Variants in CCDC82 observed in about 807,000 individuals in gnomAD.
CCDC82 encodes coiled-coil domain-containing protein 82.
CCDC82 carries 47 observed loss-of-function variants against 60.6 expected under a neutral mutation model. That is an observed-to-expected ratio of 0.77 (90% CI 0.61 to 0.99). The LOEUF is 0.99. Ranked by LOEUF, CCDC82 falls within the 50% of genes least tolerant of loss-of-function variation. The pLI is 0.00. For missense variants in CCDC82, 588 were observed against 633.0 expected, an observed-to-expected ratio of 0.93 and a Z score of 0.76; for synonymous variants, 212 against 207.4, an observed-to-expected ratio of 1.02 and a Z score of -0.19.
In CCDC82 at chr11:96,370,895, C is replaced by A; in HGVS notation, c.1209+118G>T. 4 of 815,902 alleles carry A rather than the reference C, an allele frequency of 4.9e-6. No individual in the cohort carries two copies. The South Asian group carries it at 1.0e-4, about 21-fold the overall frequency. The allele number at this position is 815,902 out of a possible 1,614,324, so 50.5% of individuals were successfully genotyped here. On this transcript the variant is annotated intron_variant, in intron 7 of 9. Transcript: ENST00000646818. ...TTTAGAAGATGTGAGAAATAATAAG[C>A]TGATTATTTAACAAAGACATGCCAA... is the stretch of plus-strand genomic sequence containing the variant.
At chr11:96,379,457 T>C (rs1308894081) in intron 5 of CCDC82, among the ~76,000 whole-genome samples, 3 of 151,534 alleles carry the variant, frequency 2.0e-5, no homozygotes, top group Middle Eastern at 3.2e-3. Context: ...TAATCATCTA[T>C]AGGAACTTAA....
At chr11:96,389,083 A>G (rs962745052) in intron 1 of CCDC82, 12 of 152,220 alleles carry the variant, frequency 7.9e-5, no homozygotes, top group African/African-American at 2.4e-4. Context: ...TAAATTTATC[A>G]TAGTTCTTCT....
intron 3 of CCDC82, 118 bp downstream of exon 3, chr11:96,386,136 C>A (rs529259458): frequency 6.6e-6 from 1 of 152,212 alleles, no homozygotes; most frequent in South Asian, 2.1e-4. Context: ...GAAATGAAAT[C>A]CAACTTAAGA....
chr11:96,382,107 T>G (rs1451824182), intron 5 of CCDC82: 1 of 151,840 alleles, frequency 6.6e-6, no homozygotes, highest in African/African-American at 2.4e-5. Flanking sequence ...GCACTCATAC[T>G]GCATACCAAA....
intron 7 of CCDC82, 145 bp from the exon 8 acceptor site, chr11:96,365,295 G>T: frequency 2.2e-6 from 1 of 464,402 alleles, no homozygotes; most frequent in Admixed American, 3.9e-5. Context: ...TTAATACTGA[G>T]CACATAGTAG....
chr11:96,383,889 CT>C, intron 4 of CCDC82, 72 bp downstream of exon 4: 3 of 1,393,354 alleles, frequency 2.2e-6, no homozygotes, highest in South Asian at 1.4e-5. Flanking sequence ...GGACTCAGCA[CT>C]TTTTTATAAA....
intron 6 of CCDC82, among the ~76,000 whole-genome samples, chr11:96,371,686 C>A (rs1483822962): frequency 2.0e-5 from 3 of 152,252 alleles, no homozygotes; most frequent in Non-Finnish European, 4.4e-5. Context: ...TTATACAAAA[C>A]TGACATGAAT....
At chr11:96,380,304 G>T (rs979131700) in intron 5 of CCDC82, among the ~76,000 whole-genome samples, 21 of 151,696 alleles carry the variant, frequency 1.4e-4, no homozygotes, top group Non-Finnish European at 2.7e-4. Context: ...TGAGGAAAAA[G>T]AGTTTGTAGG....
rs1219574801 is a variant in CCDC82 at position 96,353,397 on chromosome 11, T to C, written c.*249A>G. ...TTGACAGTCATCTGTTATAAAGCCA[T>C]TATTATATAACTTTAAAATATATTT... On this transcript the variant is annotated 3_prime_UTR_variant, in exon 10 of 10. Transcript: ENST00000646818. 1 of 372,844 alleles carries C rather than the reference T, an allele frequency of 2.7e-6. No individual in the cohort carries two copies. The highest frequency in any genetic ancestry group is 5.4e-5 in the East Asian group (1 of 18,608). 23.1% of individuals were successfully genotyped at this position (372,844 alleles called of 1,614,324 possible).
chr11:96,371,198 T>C (rs763171288), intron 6 of CCDC82, 61 bp from the exon 7 acceptor site: 7 of 1,160,522 alleles, frequency 6.0e-6, no homozygotes, highest in Non-Finnish European at 8.0e-6. Context: ...TTAAACTATT[T>C]AATACTTAAA....
intron 9 of CCDC82, chr11:96,358,152 G>A: frequency 1.0e-6 from 1 of 987,310 alleles, no homozygotes; most frequent in South Asian, 4.7e-5. Context: ...TATAGTCCAG[G>A]CAATGGATCT....
chr11:96,356,641 T>A, intron 9 of CCDC82: 2 of 953,302 alleles, frequency 2.1e-6, no homozygotes, highest in South Asian at 9.7e-5. Flanking sequence ...AAGACATGCA[T>A]TATTATGTTT....
At chr11:96,384,802 G>T in intron 3 of CCDC82, 41 bp from the exon 4 acceptor site, 1 of 1,276,314 alleles carries the variant, frequency 7.8e-7, no homozygotes, top group Non-Finnish European at 1.1e-6. Context: ...GTGATAACCA[G>T]ATTAGAGCAA....
intron 5 of CCDC82, among the ~76,000 whole-genome samples, chr11:96,379,286 T>C (rs982616885): frequency 2.6e-5 from 4 of 151,888 alleles, no homozygotes; most frequent in Admixed American, 1.3e-4. Flanking sequence ...TATTTAGATA[T>C]GGTATAAAAT....
Position 96,364,985 on chromosome 11 carries a change from T to C in CCDC82, c.1375A>G (p.Lys459Glu), listed in dbSNP as rs756043230. Reference sequence around the variant, plus strand: ...GATTAGAGGGAAGAAAATACCTGTTTATCATGTGACATGAAATTATCTATT... The same window carrying C: ...GATTAGAGGGAAGAAAATACCTGTTCATCATGTGACATGAAATTATCTATT... ...MQIDNFMSHD[K>E]QVFTVGRICA... Residue 459 changes from lysine (K) to glutamate (E), a missense_variant, in exon 8 of 10, where the codon AAA becomes GAA. Transcript: ENST00000646818. The C allele has an allele frequency of 1.3e-5, 20 of 1,597,838 alleles. No individual in the cohort carries two copies. The South Asian group carries it at 2.3e-4, about 19-fold the overall frequency.
At position 96,353,710 on chromosome 11, in the gene CCDC82, T is replaced by C; in HGVS notation, c.1571A>G (p.Tyr524Cys). ...SKENGWIKEK[Y>C]GQLEEYLNFA... ...ATTGAGATATTCTTCAAGTTGACCA[T>C]ATTTCTGCATATACAATAGAAAAGC... Residue 524 changes from tyrosine (Y) to cysteine (C), a missense_variant, in exon 10 of 10, where the codon TAT (tyrosine) becomes TGT (cysteine). Physicochemically the swap from Tyr to Cys is radical, Grantham distance 194. Transcript: ENST00000646818. 6.2e-7 allele frequency: 1 copy of C among 1,606,866 alleles called. No individual in the cohort carries two copies. Among genetic ancestry groups the C allele is most frequent in the Non-Finnish European group, 8.5e-7 (1 of 1,176,016 alleles).
chr11:96,383,372 A>G lies in CCDC82; in HGVS notation c.888T>C (p.Asp296=). The change falls in exon 5 of 10, where the codon GAT becomes GAC. Residue 296 remains aspartate, a synonymous_variant. Transcript: ENST00000646818. ...SDEDGDDYII[D]DFVVQDEEGD... ...CCTCCTCATCTTGCACTACAAAGTCATCGATAATATAATCATCTCCATCTT... is the reference window on the plus strand; with the variant it reads ...CCTCCTCATCTTGCACTACAAAGTCGTCGATAATATAATCATCTCCATCTT... The G allele has an allele frequency of 6.2e-7, 1 of 1,602,674 alleles. No individual in the cohort carries two copies. The highest frequency in any genetic ancestry group is 8.5e-7 in the Non-Finnish European group (1 of 1,172,474).
intron 9 of CCDC82, chr11:96,357,518 C>A (rs1172211355): frequency 2.0e-6 from 2 of 985,296 alleles, no homozygotes; most frequent in Non-Finnish European, 2.4e-6. Context: ...TTCCAGGTCC[C>A]TTCTGGTGTC....
chr11:96,364,243 A>AT (rs1864828715), intron 8 of CCDC82: 1 of 152,236 alleles, frequency 6.6e-6, no homozygotes, highest in South Asian at 2.1e-4. Context: ...AAATATACAT[A>AT]TATATTCATA....
Sources: gnomAD v4.1 joint callset for allele counts (sites outside exome capture counted in the v4.1 genomes callset) on GRCh38, gnomAD v4.1.1 for gene constraint, MANE v1.5 for transcripts, NCBI Gene and HGNC (gene_info 2026-07-23, HGNC 2026-07-21) for gene names.